The following DNAH6 variants were observed in gnomAD, a reference collection of about 807,000 sequenced individuals.
DNAH6 encodes dynein axonemal heavy chain 6.
A neutral mutation model predicts 491.4 loss-of-function variants in DNAH6; 340 were observed. The ratio of observed to expected loss-of-function variants is 0.69; its 90% CI spans 0.63 to 0.76. DNAH6 has a LOEUF of 0.76. Among genes scored for constraint, DNAH6 ranks in the 30% least tolerant of loss-of-function variants. The pLI, the probability that DNAH6 is intolerant of heterozygous loss-of-function variation, is 0.00. For synonymous variants in DNAH6, 1,603 were observed against 1,686.1 expected, an observed-to-expected ratio of 0.95 and a Z score of 1.21; for missense variants, 4,443 against 4,972.2, an observed-to-expected ratio of 0.89 and a Z score of 3.20.
the DNAH6 span, among the ~76,000 whole-genome samples, chr2:84,467,892 A>G: frequency 3.6e-4 from 55 of 152,232 alleles, no homozygotes; most frequent in Non-Finnish European, 7.3e-5. Flanking sequence ...TAAAAGTTAA[A>G]GAGGTGGTTT....
At chr2:84,707,108 A>T in intron 53 of DNAH6, 89 bp downstream of exon 53, 1 of 1,376,212 alleles carries the variant, frequency 7.3e-7, no homozygotes, top group Non-Finnish European at 9.6e-7. Flanking sequence ...TTCAGCTTTT[A>T]TCCAATGTGT....
At position 84,637,661 on chromosome 2, in the gene DNAH6, C is replaced by A. The variant is rs574663717; in HGVS notation, c.4821+284C>A. On this transcript the variant is annotated intron_variant, in intron 31 of 76. Coordinates refer to ENST00000389394, the MANE Select transcript of DNAH6 (RefSeq NM_001370.2). ...AGTTCATTGGGGTTTTTCAGTTCCT[C>A]TCTAGGAATTAAAATGTCTGGATTC... Among the ~76,000 whole-genome samples, 74 of 152,232 alleles carry A rather than the reference C, an allele frequency of 4.9e-4. 1 individual carries two copies. The highest frequency in any genetic ancestry group is 1.7e-3 in the African/African-American group (72 of 41,532).
At chr2:84,659,299 A>G in intron 37 of DNAH6, 130 bp downstream of exon 37, 1 of 501,296 alleles carries the variant, frequency 2.0e-6, no homozygotes, top group East Asian at 3.7e-5. Flanking sequence ...AAAATTATTC[A>G]TGTTTTTCCA....
Position 84,796,343 on chromosome 2 carries a change from G to A in DNAH6, c.11277G>A (p.Trp3759Ter). Residue 3759 changes from tryptophan (W) to a stop codon, truncating the protein, a stop_gained, in exon 69 of 77, where the codon TGG becomes TGA. Coordinates refer to ENST00000389394, the MANE Select transcript of DNAH6 (RefSeq NM_001370.2). LOFTEE classifies it high-confidence loss of function. ...ATGGTGGTAGAGTCACAGACAGCTGGGACCAAAGATGCCTTCGTACTATCT... is the reference window on the plus strand; with the variant it reads ...ATGGTGGTAGAGTCACAGACAGCTGAGACCAAAGATGCCTTCGTACTATCT... ...ITYGGRVTDS[W>*]DQRCLRTILK... The A allele has an allele frequency of 6.5e-7, 1 of 1,527,530 alleles. No individual in the cohort carries two copies. The highest frequency in any genetic ancestry group is 2.5e-5 in the East Asian group (1 of 40,268). 94.6% of individuals were successfully genotyped at this position (1,527,530 alleles called of 1,614,324 possible). A position where few individuals can be genotyped will look rare whatever the true frequency, so the allele number is the denominator to read the frequency against.
At chr2:84,466,967 A>G in the DNAH6 span, among the ~76,000 whole-genome samples, 2 of 152,358 alleles carry the variant, frequency 1.3e-5, no homozygotes, top group African/African-American at 4.8e-5. Context: ...CACATATACC[A>G]ATAACACATT....
chr2:84,707,792 G>T, intron 54 of DNAH6, 76 bp downstream of exon 54: 1 of 1,147,706 alleles, frequency 8.7e-7, no homozygotes, highest in Admixed American at 2.4e-5. Flanking sequence ...ATTTTTCTGA[G>T]TTCAGATGGA....
chr2:84,585,875 G>T (rs1248698064), intron 15 of DNAH6, among the ~76,000 whole-genome samples: 1 of 152,146 alleles, frequency 6.6e-6, no homozygotes, highest in East Asian at 1.9e-4. Context: ...TAATGGGCAG[G>T]CTGGAAAAGG....
intron 64 of DNAH6, among the ~76,000 whole-genome samples, chr2:84,772,562 T>C (rs1675733528): frequency 1.3e-5 from 2 of 152,068 alleles, no homozygotes; most frequent in Non-Finnish European, 1.5e-5. Context: ...AAGACAGGGA[T>C]ATAATTTAAT....
At chr2:84,712,992 T>C (rs1465091622) in intron 56 of DNAH6, 103 bp from the exon 57 acceptor site, 3 of 957,166 alleles carry the variant, frequency 3.1e-6, no homozygotes, top group Non-Finnish European at 4.6e-6. Flanking sequence ...TGGAAAATTA[T>C]TCATTCACAG....
chr2:84,487,632 G>T, the DNAH6 span, among the ~76,000 whole-genome samples: 1,257 of 152,318 alleles, frequency 8.3e-3, 10 homozygotes, highest in Non-Finnish European at 0.015. Flanking sequence ...AAGATTTGTG[G>T]TTAAATCTTG....
intron 29 of DNAH6, among the ~76,000 whole-genome samples, chr2:84,633,044 C>T (rs1370796333): frequency 6.6e-6 from 1 of 152,110 alleles, no homozygotes; most frequent in East Asian, 1.9e-4. Flanking sequence ...CTACCAAGAG[C>T]TCTGTGGAAG....
At chr2:84,769,097 C>A (rs540178551) in intron 64 of DNAH6, among the ~76,000 whole-genome samples, 1 of 152,334 alleles carries the variant, frequency 6.6e-6, no homozygotes, top group East Asian at 1.9e-4. Context: ...AATTGCCCTG[C>A]TGATGCTGTA....
At chr2:84,536,208 A>T (rs73945114) in intron 4 of DNAH6, among the ~76,000 whole-genome samples, 1,744 of 152,140 alleles carry the variant, frequency 0.011, 34 homozygotes, top group African/African-American at 0.04. Flanking sequence ...CCAAAGGATG[A>T]GTTTTATCAA....
At chr2:84,489,212 A>G in the DNAH6 span, among the ~76,000 whole-genome samples, 2 of 152,102 alleles carry the variant, frequency 1.3e-5, no homozygotes, top group East Asian at 3.9e-4. Flanking sequence ...TTTAGGGTCA[A>G]CATCTAATTG....
Position 84,718,195 on chromosome 2 carries a change from T to C in DNAH6, c.9612-9T>C. The C allele has an allele frequency of 6.7e-7, 1 of 1,502,902 alleles. No homozygotes were observed. The highest frequency in any genetic ancestry group is 8.9e-7 in the Non-Finnish European group (1 of 1,127,274). 93.1% of individuals were successfully genotyped at this position (1,502,902 alleles called of 1,614,324 possible). On this transcript the variant is annotated splice_polypyrimidine_tract_variant and intron_variant, in intron 58 of 76. Coordinates refer to ENST00000389394, the MANE Select transcript of DNAH6 (RefSeq NM_001370.2). ...AGACATAATTTAGATATCTGAACTT[T>C]GGTTTTAGTGATGTGGTGCGACTTG...
intron 35 of DNAH6, among the ~76,000 whole-genome samples, chr2:84,657,018 G>A (rs1407976932): frequency 2.0e-5 from 3 of 151,966 alleles, no homozygotes; most frequent in African/African-American, 7.2e-5. Context: ...AAGGGTATAA[G>A]GTCTGTGTCT....
chr2:84,471,493 T>A, the DNAH6 span, among the ~76,000 whole-genome samples: 1 of 152,222 alleles, frequency 6.6e-6, no homozygotes, highest in Non-Finnish European at 1.5e-5. Context: ...ATGATATTCC[T>A]GCCTAACTAT....
intron 31 of DNAH6, among the ~76,000 whole-genome samples, chr2:84,637,594 A>G (rs982697807): frequency 2.0e-5 from 3 of 152,204 alleles, no homozygotes; most frequent in Non-Finnish European, 2.9e-5. Context: ...CTGGAATATA[A>G]TAGGCCCCTA....
At chr2:84,671,968 T>C (rs951123385) in intron 39 of DNAH6, among the ~76,000 whole-genome samples, 1 of 152,210 alleles carries the variant, frequency 6.6e-6, no homozygotes, top group Non-Finnish European at 1.5e-5. Context: ...CTTCCTACTA[T>C]GGAAAGAAAA....
Sources: allele counts gnomAD v4.1 joint callset (sites outside exome capture counted in the v4.1 genomes callset), GRCh38; gene constraint gnomAD v4.1.1; transcripts MANE v1.5; gene names NCBI Gene and HGNC (gene_info 2026-07-23, HGNC 2026-07-21).